The following PLEKHG3 variants were observed in gnomAD, a reference collection of about 807,000 sequenced individuals.
The protein encoded by PLEKHG3 is pleckstrin homology domain-containing family G member 3.
A neutral mutation model predicts 94.9 loss-of-function variants in PLEKHG3; 62 were observed. That is an observed-to-expected ratio of 0.65 (90% CI 0.53 to 0.81). The LOEUF is 0.81. PLEKHG3 is among the 30% of genes least tolerant of loss of function. The pLI is 0.00. For missense variants in PLEKHG3, 1,461 were observed against 1,619.3 expected, an observed-to-expected ratio of 0.90 and a Z score of 1.68; for synonymous variants, 614 against 654.0, an observed-to-expected ratio of 0.94 and a Z score of 0.93.
chr14:64,731,721 C>T lies in PLEKHG3; in HGVS notation c.1040C>T (p.Ser347Phe), dbSNP rs758118038. 20 of 1,612,568 alleles carry T rather than the reference C, an allele frequency of 1.2e-5. No individual in the cohort carries two copies. Among genetic ancestry groups the T allele is most frequent in the Non-Finnish European group, 1.7e-5 (20 of 1,178,732 alleles). Residue 347 changes from serine (S) to phenylalanine (F), a missense_variant, in exon 9 of 17, where the codon TCC becomes TTC. Transcript: ENST00000247226. This position sits in a 1 kb window ranked among gnomAD's most constrained non-coding sequence, Gnocchi z 6.1. The part of the protein sequence containing the change: ...FVYKGNIPCS[S>F]LMLIESTRDS... The stretch of plus-strand genomic sequence containing the variant: ...CTTTCCCTCTGCCCCTAGTGCTCCT[C>T]CCTGATGCTGATCGAAAGCACCAGA...
rs371143145 is a variant in PLEKHG3 at position 64,730,066 on chromosome 14, G to A, written c.450-177G>A. On this transcript the variant is annotated intron_variant, in intron 3 of 16. Coordinates refer to ENST00000247226, the MANE Select transcript of PLEKHG3 (RefSeq NM_001308147.2). The surrounding 1 kb of genome is among the most constrained non-coding windows in gnomAD (Gnocchi z 5.4). Reference sequence around the variant, plus strand: ...TCCTGCTTTGTGGCTGCTTTGTGTTGGATACTTTCTGTGGTTGCTGCCTGG... The same window carrying A: ...TCCTGCTTTGTGGCTGCTTTGTGTTAGATACTTTCTGTGGTTGCTGCCTGG... 6.6e-5 allele frequency among the ~76,000 whole-genome samples: 10 copies of A among 152,256 alleles called. 1 individual carries two copies. Among genetic ancestry groups the A allele is most frequent in the Admixed American group, 5.9e-4 (9 of 15,296 alleles).
At chr14:64,737,825 A>C (rs909822498) in intron 14 of PLEKHG3, 5 of 1,106,902 alleles carry the variant, frequency 4.5e-6, no homozygotes, top group Non-Finnish European at 5.7e-6. Flanking sequence ...AGGTTGCCCA[A>C]GAGGCTGGTC....
chr14:64,718,700 A>G lies in PLEKHG3; in HGVS notation c.-39-8893A>G, dbSNP rs556069201. Among the ~76,000 whole-genome samples the G allele has an allele frequency of 8.2e-4, 125 of 152,136 alleles. No homozygotes were observed. The highest frequency in any genetic ancestry group is 1.7e-3 in the Non-Finnish European group (113 of 67,996). On this transcript the variant is annotated intron_variant, in intron 1 of 16. Coordinates refer to ENST00000247226, the MANE Select transcript of PLEKHG3 (RefSeq NM_001308147.2). The surrounding 1 kb of genome is among the most constrained non-coding windows in gnomAD (Gnocchi z 5.0). ...GTAGTCCCTGGGCTCTTTCATACACATTCTTCTGCTTTTCCTTTTTTTGAT... is the reference window on the plus strand; with the variant it reads ...GTAGTCCCTGGGCTCTTTCATACACGTTCTTCTGCTTTTCCTTTTTTTGAT...
At chr14:64,707,563 G>A (rs1268048458) in intron 1 of PLEKHG3, among the ~76,000 whole-genome samples, 3 of 152,256 alleles carry the variant, frequency 2.0e-5, no homozygotes, top group African/African-American at 7.2e-5. Flanking sequence ...AAGTGTGTTA[G>A]TGATAAACAG....
In PLEKHG3 at chr14:64,742,416, T is replaced by C. The variant is rs780467756; in HGVS notation, c.2899T>C (p.Cys967Arg). ...GGATGGGAAGAGCCCCACTGTGCCC[T>C]GTCTACAGGAAGAGGCTGGAGAGCC... Reference protein sequence around the residue: ...ERDGKSPTVPCLQEEAGEPLG... With the variant: ...ERDGKSPTVPRLQEEAGEPLG... Residue 967 changes from cysteine to arginine, a missense_variant, in exon 16 of 17, where the codon TGT (cysteine) becomes CGT (arginine). Physicochemically the swap from Cys to Arg is radical, Grantham distance 180. Around this residue, in one of 3 missense-constraint regions of PLEKHG3, gnomAD observed 1,201 missense variants for 1,295.5 expected, o/e 0.93. Transcript: ENST00000247226. 6.8e-6 allele frequency: 11 copies of C among 1,612,112 alleles called. No individual in the cohort carries two copies. Among genetic ancestry groups the C allele is most frequent in the African/African-American group, 1.3e-5 (1 of 75,050 alleles).
rs779205211 is a variant in PLEKHG3, at chr14:64,738,125, G to A, written c.1405-617G>A. 26 of 1,300,886 alleles carry A rather than the reference G, an allele frequency of 2.0e-5. 1 individual carries two copies. The highest frequency in any genetic ancestry group is 2.4e-4 in the Middle Eastern group (1 of 4,102). The allele number at this position is 1,300,886 out of a possible 1,614,324, so 80.6% of individuals were successfully genotyped here. A position where few individuals can be genotyped will look rare whatever the true frequency, so the allele number is the denominator to read the frequency against. The stretch of plus-strand genomic sequence containing the variant: ...AGGAGGAGCAGGAGGAGAGCCTGGC[G>A]GTGGCGGAGCAGGTAGCCGACTTTG... On this transcript the variant is annotated intron_variant, in intron 14 of 16. Coordinates refer to ENST00000247226, the MANE Select transcript of PLEKHG3 (RefSeq NM_001308147.2). The surrounding 1 kb of genome is among the most constrained non-coding windows in gnomAD (Gnocchi z 4.8).
At chr14:64,719,819 T>G (rs2139370393) in intron 1 of PLEKHG3, among the ~76,000 whole-genome samples, 1 of 152,296 alleles carries the variant, frequency 6.6e-6, no homozygotes, top group Admixed American at 6.5e-5. Context: ...GCCGGAAAGA[T>G]GGCGAATTTG....
rs754307895 is a variant in PLEKHG3 at position 64,731,177 on chromosome 14, G to T, written c.849+8G>T. 9.3e-6 allele frequency: 15 copies of T among 1,607,700 alleles called. No homozygotes were observed. Among genetic ancestry groups the T allele is most frequent in the Admixed American group, 1.7e-5 (1 of 59,864 alleles). ...CACGCGGTCCGGCTCCAGGTGCTCTGGGGCTGGGACGCTGGGGGAGGGGCA... is the reference window on the plus strand; with the variant it reads ...CACGCGGTCCGGCTCCAGGTGCTCTTGGGCTGGGACGCTGGGGGAGGGGCA... On this transcript the variant is annotated splice_region_variant and intron_variant, in intron 7 of 16. Coordinates refer to ENST00000247226, the MANE Select transcript of PLEKHG3 (RefSeq NM_001308147.2). The surrounding 1 kb of genome is among the most constrained non-coding windows in gnomAD (Gnocchi z 6.1).
intron 1 of PLEKHG3, among the ~76,000 whole-genome samples, chr14:64,711,341 A>G (rs2081063244): frequency 6.6e-6 from 1 of 152,126 alleles, no homozygotes; most frequent in African/African-American, 2.4e-5. Flanking sequence ...TCCAATCTTA[A>G]TTCGGCTCCA....
Position 64,736,823 on chromosome 14 carries a change from C to A in PLEKHG3, c.1346-30C>A, listed in dbSNP as rs201260110. On this transcript the variant is annotated intron_variant, in intron 12 of 16. Transcript: ENST00000247226. ...CCAGGCACAGCAGTTTCCTGGCCCG[C>A]GCTGACTCTGCTCATGCTTTCCTCC... 6.9e-6 allele frequency: 11 copies of A among 1,591,518 alleles called. No individual in the cohort carries two copies. In the African/African-American group the frequency reaches 1.2e-4, roughly 17 times the overall value.
At position 64,742,419 on chromosome 14, in the gene PLEKHG3, C is replaced by G. The variant is rs1403474020; in HGVS notation, c.2902C>G (p.Leu968Val). Residue 968 changes from leucine to valine, a missense_variant, in exon 16 of 17, where the codon CTA (leucine) becomes GTA (valine). This residue lies in a region of PLEKHG3 where 1,201 missense variants were observed against 1,295.5 expected (regional missense o/e 0.93). Transcript: ENST00000247226. ...TGGGAAGAGCCCCACTGTGCCCTGT[C>G]TACAGGAAGAGGCTGGAGAGCCATT... ...RDGKSPTVPC[L>V]QEEAGEPLGG... 6.8e-6 allele frequency: 11 copies of G among 1,611,766 alleles called. No homozygotes were observed. In the East Asian group the frequency reaches 1.3e-4, roughly 20 times the overall value.
chr14:64,726,566 C>G lies in PLEKHG3; in HGVS notation c.-39-1027C>G, dbSNP rs749198027. On this transcript the variant is annotated intron_variant, in intron 1 of 16. Transcript: ENST00000247226. This position sits in a 1 kb window ranked among gnomAD's most constrained non-coding sequence, Gnocchi z 5.1. Reference sequence around the variant, plus strand: ...TCCACCCTTCCATCCCCCGGCTGCTCCAGGTGGGCCTGCCTGTGAGCCACA... The same window carrying G: ...TCCACCCTTCCATCCCCCGGCTGCTGCAGGTGGGCCTGCCTGTGAGCCACA... Among the ~76,000 whole-genome samples the G allele has an allele frequency of 4.6e-5, 7 of 152,314 alleles. No homozygotes were observed. The highest frequency in any genetic ancestry group is 8.8e-5 in the Non-Finnish European group (6 of 68,026).
At position 64,727,179 on chromosome 14, in the gene PLEKHG3, A is replaced by G. The variant is rs2081366906; in HGVS notation, c.-39-414A>G. Among the ~76,000 whole-genome samples the G allele has an allele frequency of 6.6e-6, 1 of 152,074 alleles. No individual in the cohort carries two copies. On this transcript the variant is annotated intron_variant, in intron 1 of 16. Coordinates refer to ENST00000247226, the MANE Select transcript of PLEKHG3 (RefSeq NM_001308147.2). This position sits in a 1 kb window ranked among gnomAD's most constrained non-coding sequence, Gnocchi z 6.0. ...TGAGGAGCTGAGGCTCTGAGGGACTAAGTACTGTGCCCCAGCAGTGGGGCT... is the reference window on the plus strand; with the variant it reads ...TGAGGAGCTGAGGCTCTGAGGGACTGAGTACTGTGCCCCAGCAGTGGGGCT...
chr14:64,747,566 T>TGACA lies in PLEKHG3; in HGVS notation c.*3864_*3867dup, dbSNP rs1378347789. The TGACA allele has an allele frequency of 6.6e-6, 1 of 152,454 alleles. No homozygotes were observed. The highest frequency in any genetic ancestry group is 1.5e-5 in the Non-Finnish European group (1 of 68,038). The allele number at this position is 152,454 out of a possible 1,614,324, so 9.4% of individuals were successfully genotyped here. A position where few individuals can be genotyped will look rare whatever the true frequency, so the allele number is the denominator to read the frequency against. On this transcript the variant is annotated 3_prime_UTR_variant, in exon 17 of 17. Coordinates refer to ENST00000247226, the MANE Select transcript of PLEKHG3 (RefSeq NM_001308147.2). ...CTGCCTGCTGCAGTTGGTGTCACCC[T>TGACA]GACATATAGTGTCAGGGCCACAGGG...
chr14:64,735,319 G>T (rs2081549501), intron 12 of PLEKHG3, among the ~76,000 whole-genome samples: 1 of 152,170 alleles, frequency 6.6e-6, no homozygotes. Context: ...CTGTTAGAAA[G>T]CGATCGTTCA....
chr14:64,712,436 T>A (rs1325823395), intron 1 of PLEKHG3, among the ~76,000 whole-genome samples: 1 of 152,236 alleles, frequency 6.6e-6, no homozygotes, highest in Non-Finnish European at 1.5e-5. Flanking sequence ...ATATTAACAA[T>A]GTTAAATGTT....
intron 12 of PLEKHG3, among the ~76,000 whole-genome samples, chr14:64,735,215 C>G (rs543069736): frequency 1.3e-5 from 2 of 152,266 alleles, no homozygotes; most frequent in South Asian, 4.1e-4. Flanking sequence ...TTTGGTGTGT[C>G]GTGCCCCTCT....
In PLEKHG3 at chr14:64,732,944, C is replaced by G; in HGVS notation, c.1345+43C>G. Reference sequence around the variant, plus strand: ...GAGGCAGGAGGCCTCTCCCTCACACCCTTGCCCAGACTGGGGACCGTCTGC... The same window carrying G: ...GAGGCAGGAGGCCTCTCCCTCACACGCTTGCCCAGACTGGGGACCGTCTGC... On this transcript the variant is annotated intron_variant, in intron 12 of 16. Transcript: ENST00000247226. This position sits in a 1 kb window ranked among gnomAD's most constrained non-coding sequence, Gnocchi z 4.9. 7.9e-7 allele frequency: 1 copy of G among 1,269,578 alleles called. No individual in the cohort carries two copies. Among genetic ancestry groups the G allele is most frequent in the Non-Finnish European group, 1.1e-6 (1 of 884,782 alleles). 78.6% of individuals were successfully genotyped at this position (1,269,578 alleles called of 1,614,324 possible).
At chr14:64,709,729 CTGTGTGTGTGTGTGTG>C (rs3063746) in intron 1 of PLEKHG3, among the ~76,000 whole-genome samples, 1,562 of 144,104 alleles carry the variant, frequency 0.011, 25 homozygotes, top group African/African-American at 0.037. Flanking sequence ...GGCTGTGAGA[CTGTGTGTGTGTGTGTG>C]TGTGTGTGTG....
Sources: gnomAD v4.1 joint callset for allele counts (sites outside exome capture counted in the v4.1 genomes callset) on GRCh38, gnomAD v4.1.1 for gene constraint, gnomAD v4.1.1 regional missense constraint, Gnocchi (gnomAD v3.1) non-coding constraint, MANE v1.5 for transcripts, NCBI Gene and HGNC (gene_info 2026-07-23, HGNC 2026-07-21) for gene names.